RIMKLA: variants seen among roughly 807,000 people sequenced by gnomAD.
RIMKLA encodes ribosomal modification protein rimK like family member A.
A neutral mutation model predicts 32.7 loss-of-function variants in RIMKLA; 14 were observed. The ratio of observed to expected loss-of-function variants is 0.43; its 90% confidence interval spans 0.28 to 0.67. RIMKLA has a LOEUF of 0.67. Ranked by LOEUF, RIMKLA falls within the 30% of genes least tolerant of loss-of-function variation. RIMKLA has a pLI of 0.18. For missense variants in RIMKLA, 410 were observed against 519.0 expected (o/e 0.79, Z 2.04); for synonymous variants, 176 against 204.1 (o/e 0.86, Z 1.18).
At chr1:42,381,433 C>T (rs1274972938) in intron 1 of RIMKLA, among the ~76,000 whole-genome samples, 1 of 152,214 alleles carries the variant, frequency 6.6e-6, no homozygotes, top group African/African-American at 2.4e-5. Flanking sequence ...CTGCTCGCAT[C>T]AATACCTTGA....
At chr1:42,396,092 C>CGGGCAT (rs984726393) in intron 1 of RIMKLA, among the ~76,000 whole-genome samples, 1 of 151,766 alleles carries the variant, frequency 6.6e-6, no homozygotes, top group Non-Finnish European at 1.5e-5. Context: ...AAAAATTAGC[C>CGGGCAT]GGGCATGGTG....
At chr1:42,408,546 C>A (rs1643169020) in intron 3 of RIMKLA, among the ~76,000 whole-genome samples, 2 of 152,104 alleles carry the variant, frequency 1.3e-5, no homozygotes, top group Non-Finnish European at 2.9e-5. Context: ...CTCAGCATCC[C>A]AAGTAGCTGG....
At chr1:42,400,068 A>G (rs1347292379) in intron 2 of RIMKLA, among the ~76,000 whole-genome samples, 11 of 152,234 alleles carry the variant, frequency 7.2e-5, no homozygotes, top group East Asian at 1.9e-4. Flanking sequence ...AAGAGCTAAC[A>G]TAGAGTTACG....
intron 1 of RIMKLA, among the ~76,000 whole-genome samples, chr1:42,390,152 C>T (rs1642988552): frequency 6.6e-6 from 1 of 151,442 alleles, no homozygotes; most frequent in Admixed American, 6.6e-5. Flanking sequence ...ATTCCCCTGC[C>T]TCAGCCTCCT....
At chr1:42,389,427 A>G (rs1642977524) in intron 1 of RIMKLA, among the ~76,000 whole-genome samples, 1 of 152,138 alleles carries the variant, frequency 6.6e-6, no homozygotes, top group Non-Finnish European at 1.5e-5. Flanking sequence ...CCTGAGTAAA[A>G]GAAAAATGAA....
intron 2 of RIMKLA, among the ~76,000 whole-genome samples, chr1:42,400,338 C>G (rs76582121): frequency 0.048 from 7,245 of 152,118 alleles, 606 homozygotes; most frequent in African/African-American, 0.17. Flanking sequence ...GGGAGGTGAC[C>G]TGATAAGAGT....
chr1:42,389,444 G>C (rs138413311), intron 1 of RIMKLA, among the ~76,000 whole-genome samples: 18 of 151,818 alleles, frequency 1.2e-4, no homozygotes, highest in African/African-American at 4.1e-4. Context: ...TGAAACCCAG[G>C]AGAGTGGGTG....
chr1:42,396,519 A>C (rs2148388231), intron 1 of RIMKLA: 1 of 152,334 alleles, frequency 6.6e-6, no homozygotes. Context: ...TCCTAGGTCT[A>C]TGTGAATCTG....
chr1:42,393,982 A>G (rs1477819287), intron 1 of RIMKLA, among the ~76,000 whole-genome samples: 7 of 152,286 alleles, frequency 4.6e-5, no homozygotes, highest in Admixed American at 2.6e-4. Context: ...ACAGGGTTTC[A>G]TCATGTTGGC....
intron 1 of RIMKLA, among the ~76,000 whole-genome samples, chr1:42,388,993 G>A (rs1172811843): frequency 3.9e-5 from 6 of 152,194 alleles, no homozygotes; most frequent in African/African-American, 1.4e-4. Context: ...ATGATTTCAA[G>A]GGAGAAGGTG....
At chr1:42,413,501 C>CAAAAAAAAA (rs201462707) in intron 4 of RIMKLA, among the ~76,000 whole-genome samples, 4 of 125,584 alleles carry the variant, frequency 3.2e-5, no homozygotes, top group African/African-American at 1.2e-4. Context: ...AAGAGTCTCT[C>CAAAAAAAAA]AAAAAAAAAA....
At chr1:42,382,652 A>G (rs1469279770) in intron 1 of RIMKLA, among the ~76,000 whole-genome samples, 8 of 152,204 alleles carry the variant, frequency 5.3e-5, no homozygotes, top group South Asian at 2.1e-4. Context: ...TCCACATCAC[A>G]TTTAGTTTGT....
intron 1 of RIMKLA, 123 bp from the exon 2 acceptor site, chr1:42,399,281 C>T: frequency 1.5e-6 from 1 of 680,874 alleles, no homozygotes; most frequent in Non-Finnish European, 2.5e-6. Context: ...CCAGGATGTC[C>T]AGGGGGCCAA....
rs1643260176 is a variant in RIMKLA, at chr1:42,417,593, G to A, written c.*2619G>A. 1 of 152,218 alleles carries A rather than the reference G, an allele frequency of 6.6e-6. No individual in the cohort carries two copies. The highest frequency in any genetic ancestry group is 6.5e-5 in the Admixed American group (1 of 15,280). The allele number at this position is 152,218 out of a possible 1,614,324, so 9.4% of individuals were successfully genotyped here. A position where few individuals can be genotyped will look rare whatever the true frequency, so the allele number is the denominator to read the frequency against. On this transcript the variant is annotated 3_prime_UTR_variant, in exon 5 of 5. Coordinates refer to ENST00000431473, the MANE Select transcript of RIMKLA (RefSeq NM_173642.4). ...TTTGAAGCTGAAGTAAGTGAGACTG[G>A]TGCATGTAAATTAATGGTAGTAGAG...
intron 1 of RIMKLA, among the ~76,000 whole-genome samples, chr1:42,385,898 C>G: frequency 1.2e-5 from 1 of 86,714 alleles, no homozygotes; most frequent in African/African-American, 4.3e-5. Context: ...TTCTTTCTTT[C>G]CTTCTTTCCT....
At chr1:42,386,265 C>T (rs184205547) in intron 1 of RIMKLA, among the ~76,000 whole-genome samples, 20 of 151,944 alleles carry the variant, frequency 1.3e-4, no homozygotes, top group Admixed American at 1.2e-3. Flanking sequence ...GCTACCAGAA[C>T]ACTTCCACCA....
intron 4 of RIMKLA, 146 bp from the exon 5 acceptor site, chr1:42,414,338 C>G (rs1332584634): frequency 6.1e-6 from 5 of 817,116 alleles, no homozygotes; most frequent in Non-Finnish European, 9.5e-6. Flanking sequence ...ATTGTTTTCC[C>G]AAGGTGTACT....
At chr1:42,388,583 G>A (rs945756543) in intron 1 of RIMKLA, among the ~76,000 whole-genome samples, 10 of 145,322 alleles carry the variant, frequency 6.9e-5, no homozygotes, top group Admixed American at 4.3e-4. Flanking sequence ...GCAGTGGCAC[G>A]ATCTCAGCTC....
Position 42,406,799 on chromosome 1 carries a change from A to G in RIMKLA, c.481+2202A>G, listed in dbSNP as rs576446052. Among the ~76,000 whole-genome samples, 3 of 152,206 alleles carry G rather than the reference A, an allele frequency of 2.0e-5. No homozygotes were observed. In the South Asian group the frequency reaches 6.2e-4, roughly 31 times the overall value. On this transcript the variant is annotated intron_variant, in intron 3 of 4. Coordinates refer to ENST00000431473, the MANE Select transcript of RIMKLA (RefSeq NM_173642.4). ...GACTAATGATGTTGAACATCTTTTC[A>G]TGTGCTTGTTGGCCATTTGTGTATC...
Sources: allele counts gnomAD v4.1 joint callset (sites outside exome capture counted in the v4.1 genomes callset), GRCh38; gene constraint gnomAD v4.1.1; transcripts MANE v1.5; gene names NCBI Gene and HGNC (gene_info 2026-07-23, HGNC 2026-07-21).